Variants in MALRD1 observed in about 807,000 individuals in gnomAD.
MALRD1 encodes MAM and LDL-receptor class A domain-containing protein 1.
A neutral mutation model predicts 242.1 loss-of-function variants in MALRD1; 247 were observed. That is an observed-to-expected ratio of 1.02 (90% CI 0.92 to 1.13). MALRD1 has a LOEUF of 1.13. Ranked by LOEUF, MALRD1 falls within the 50% of genes most tolerant of loss-of-function variation. The pLI is 0.00. For missense variants in MALRD1, 2,989 were observed against 2,533.1 expected (o/e 1.18, Z -3.86); for synonymous variants, 995 against 866.6 (o/e 1.15, Z -2.60).
chr10:19,392,957 T>C (rs755622310), intron 28 of MALRD1, among the ~76,000 whole-genome samples: 7 of 152,166 alleles, frequency 4.6e-5, no homozygotes, highest in Non-Finnish European at 8.8e-5. Flanking sequence ...TGAGAATCTC[T>C]GTTACTCCAC....
At chr10:19,385,797 T>G (rs918076454) in intron 26 of MALRD1, among the ~76,000 whole-genome samples, 4 of 152,100 alleles carry the variant, frequency 2.6e-5, no homozygotes, top group East Asian at 1.9e-4. Flanking sequence ...TTTCTTCTAG[T>G]TTTCTGTCAA....
chr10:19,568,299 G>C (rs1391917071), intron 33 of MALRD1, among the ~76,000 whole-genome samples: 2 of 152,072 alleles, frequency 1.3e-5, no homozygotes, highest in South Asian at 4.2e-4. Context: ...TAAATAGTAG[G>C]GTCATTGTCT....
chr10:19,551,611 A>T (rs576752784), intron 32 of MALRD1, among the ~76,000 whole-genome samples: 9 of 152,192 alleles, frequency 5.9e-5, no homozygotes, highest in South Asian at 2.1e-4. Context: ...ATCTTTCCCA[A>T]TTGCCCTGGC....
intron 38 of MALRD1, among the ~76,000 whole-genome samples, chr10:19,719,223 CATATATATATATATATATATATATAT>C (rs368394538): frequency 3.9e-5 from 3 of 76,442 alleles, no homozygotes; most frequent in Non-Finnish European, 7.1e-5. Context: ...CACATACATA[CATATATATATATATATATATATATAT>C]ATATATATAT....
chr10:19,483,915 A>G (rs951580091), intron 29 of MALRD1, among the ~76,000 whole-genome samples: 17 of 152,284 alleles, frequency 1.1e-4, no homozygotes, highest in African/African-American at 4.1e-4. Context: ...GAAAATGTAC[A>G]TATTATACAC....
chr10:19,669,685 GA>G (rs1455007265), intron 36 of MALRD1, among the ~76,000 whole-genome samples: 1 of 151,970 alleles, frequency 6.6e-6, no homozygotes, highest in Non-Finnish European at 1.5e-5. Flanking sequence ...ATTAACTCCA[GA>G]AAAAAATTAA....
At chr10:19,182,417 C>T (rs974435065) in intron 14 of MALRD1, among the ~76,000 whole-genome samples, 1 of 150,096 alleles carries the variant, frequency 6.7e-6, no homozygotes. Context: ...CTCTGCCTCC[C>T]GGGTTCACGC....
chr10:19,278,674 C>T (rs1394024686), intron 19 of MALRD1, among the ~76,000 whole-genome samples: 1 of 152,104 alleles, frequency 6.6e-6, no homozygotes, highest in Non-Finnish European at 1.5e-5. Context: ...ATACATCTGA[C>T]TGCCTTGCCC....
intron 31 of MALRD1, among the ~76,000 whole-genome samples, chr10:19,503,386 C>A (rs570298378): frequency 6.6e-6 from 1 of 152,108 alleles, no homozygotes; most frequent in Non-Finnish European, 1.5e-5. Flanking sequence ...TTATTGTTAT[C>A]AAGATGAAGA....
chr10:19,351,867 C>A, intron 25 of MALRD1, 139 bp from the exon 26 acceptor site: 2 of 800,586 alleles, frequency 2.5e-6, no homozygotes, highest in Non-Finnish European at 3.8e-6. Context: ...AAAGTGCAGA[C>A]AGAGCAAGAG....
At chr10:19,059,207 A>T (rs542388611) in intron 1 of MALRD1, among the ~76,000 whole-genome samples, 35 of 152,326 alleles carry the variant, frequency 2.3e-4, no homozygotes, top group Admixed American at 3.9e-4. Context: ...CTCATGAAAT[A>T]TTGTTATGAG....
At chr10:19,724,412 G>A (rs1834917926) in intron 38 of MALRD1, among the ~76,000 whole-genome samples, 1 of 152,206 alleles carries the variant, frequency 6.6e-6, no homozygotes, top group African/African-American at 2.4e-5. Flanking sequence ...TGCAATGTGT[G>A]TAAAAAGATG....
chr10:19,109,968 A>G (rs890792320), intron 5 of MALRD1, among the ~76,000 whole-genome samples: 1 of 152,138 alleles, frequency 6.6e-6, no homozygotes, highest in Admixed American at 6.5e-5. Flanking sequence ...TTTCTTTGCA[A>G]TGGTAATTAC....
rs189188902 is a variant in MALRD1 at position 19,066,307 on chromosome 10, A to G, written c.200-412A>G. ...AGGAATCCATAGATGCAGAGGGCCA[A>G]CTGCATTTTTGTATGTATTGTATTA... is the stretch of plus-strand genomic sequence containing the variant. On this transcript the variant is annotated intron_variant, in intron 1 of 39. Transcript: ENST00000454679. Among the ~76,000 whole-genome samples the G allele has an allele frequency of 1.4e-3, 211 of 152,314 alleles. 5 individuals are homozygous for G. Among genetic ancestry groups the G allele is most frequent in the Admixed American group, 9.8e-3 (150 of 15,292 alleles).
At chr10:19,705,592 C>G (rs1833825128) in intron 38 of MALRD1, among the ~76,000 whole-genome samples, 1 of 152,090 alleles carries the variant, frequency 6.6e-6, no homozygotes, top group Admixed American at 6.5e-5. Context: ...AAATTGAGTA[C>G]AGGGTTTTGA....
intron 19 of MALRD1, among the ~76,000 whole-genome samples, chr10:19,274,549 G>C (rs1044456728): frequency 6.6e-6 from 1 of 152,150 alleles, no homozygotes; most frequent in Non-Finnish European, 1.5e-5. Flanking sequence ...AAACCAGGAA[G>C]TGGGCCAGAC....
chr10:19,327,666 A>G lies in MALRD1; in HGVS notation c.3680A>G (p.His1227Arg). The G allele has an allele frequency of 6.5e-7, 1 of 1,548,790 alleles. No homozygotes were observed. Among genetic ancestry groups the G allele is most frequent in the South Asian group, 1.2e-5 (1 of 84,016 alleles). Residue 1227 changes from histidine (H) to arginine (R), a missense_variant, in exon 23 of 40, where the codon CAT becomes CGT. Physicochemically the swap from His to Arg is conservative, Grantham distance 29. Coordinates refer to ENST00000454679, the MANE Select transcript of MALRD1 (RefSeq NM_001142308.3). ...GAAGTGTTTTTAGGCATTCGTTCAC[A>G]TACACAGGTGTGTAATACAGGTAGT... Reference protein sequence around the residue: ...RAEVFLGIRSHTQIVFRAKRG... With the variant: ...RAEVFLGIRSRTQIVFRAKRG...
chr10:19,083,947 A>T (rs557272605), intron 2 of MALRD1, among the ~76,000 whole-genome samples: 19 of 151,994 alleles, frequency 1.3e-4, no homozygotes, highest in African/African-American at 4.3e-4. Context: ...GTGGGGGAAA[A>T]AGTTTCAGAG....
intron 28 of MALRD1, among the ~76,000 whole-genome samples, chr10:19,398,230 T>C (rs1365210513): frequency 6.6e-6 from 1 of 152,144 alleles, no homozygotes; most frequent in African/African-American, 2.4e-5. Context: ...TCCAAAAAAA[T>C]CCTTGTGCAT....
Sources: allele counts gnomAD v4.1 joint callset (sites outside exome capture counted in the v4.1 genomes callset), GRCh38; gene constraint gnomAD v4.1.1; transcripts MANE v1.5; gene names NCBI Gene and HGNC (gene_info 2026-07-23, HGNC 2026-07-21).